The following DLC1 variants were observed in gnomAD, a reference collection of about 807,000 sequenced individuals.
DLC1 encodes the protein rho GTPase-activating protein 7.
In DLC1, 54 loss-of-function variants were observed where a neutral mutation model predicts 140.3. That is an observed-to-expected ratio of 0.38 (90% CI 0.31 to 0.48). The LOEUF is 0.48. Ranked by LOEUF, DLC1 falls within the 20% of genes least tolerant of loss-of-function variation. The probability of loss-of-function intolerance (pLI) is 0.96; values close to 1 mark genes in which losing one functional copy is unlikely to be tolerated. For synonymous variants in DLC1, 986 were observed against 728.1 expected, an observed-to-expected ratio of 1.35 and a Z score of -5.70; for missense variants, 2,536 against 1,907.0, an observed-to-expected ratio of 1.33 and a Z score of -6.14.
At chr8:13,161,912 G>A (rs374913568) in intron 5 of DLC1, among the ~76,000 whole-genome samples, 1 of 152,270 alleles carries the variant, frequency 6.6e-6, no homozygotes, top group Non-Finnish European at 1.5e-5. Context: ...ACTCAGATAT[G>A]TACACATTTT....
intron 4 of DLC1, among the ~76,000 whole-genome samples, chr8:13,366,082 G>T (rs748569531): frequency 6.6e-6 from 1 of 152,182 alleles, no homozygotes; most frequent in South Asian, 2.1e-4. Flanking sequence ...AGCTCAACAA[G>T]TGCTGCATAA....
chr8:13,150,529 C>A (rs1823728430), intron 5 of DLC1, among the ~76,000 whole-genome samples: 1 of 152,200 alleles, frequency 6.6e-6, no homozygotes, highest in African/African-American at 2.4e-5. Flanking sequence ...TTGTGAGACA[C>A]ATGACTGGCA....
chr8:13,282,085 G>C (rs1831384074), intron 5 of DLC1, among the ~76,000 whole-genome samples: 1 of 152,174 alleles, frequency 6.6e-6, no homozygotes, highest in Non-Finnish European at 1.5e-5. Context: ...TCCTGTTAGA[G>C]TGGACAGAAA....
intron 5 of DLC1, among the ~76,000 whole-genome samples, chr8:13,125,595 G>C (rs1339945104): frequency 6.6e-6 from 1 of 152,034 alleles, no homozygotes; most frequent in Non-Finnish European, 1.5e-5. Flanking sequence ...TTGCTGAAGG[G>C]GCTAAAGCTA....
chr8:13,508,998 T>C (rs1435384235), intron 1 of DLC1, among the ~76,000 whole-genome samples: 1 of 152,188 alleles, frequency 6.6e-6, no homozygotes, highest in African/African-American at 2.4e-5. Flanking sequence ...TAACAGGAAA[T>C]AGCCTAGGGT....
At chr8:13,540,693 A>G (rs532078951) in intron 1 of DLC1, among the ~76,000 whole-genome samples, 24 of 152,316 alleles carry the variant, frequency 1.6e-4, no homozygotes, top group African/African-American at 5.8e-4. Context: ...ATTATTTCTG[A>G]GATTAGTAAT....
chr8:13,277,824 G>T (rs893620075), intron 5 of DLC1, among the ~76,000 whole-genome samples: 5 of 152,096 alleles, frequency 3.3e-5, no homozygotes, highest in African/African-American at 1.2e-4. Context: ...AAAACACTTT[G>T]TAAATTTCAA....
chr8:13,169,040 C>T (rs1341861539), intron 5 of DLC1, among the ~76,000 whole-genome samples: 1 of 152,194 alleles, frequency 6.6e-6, no homozygotes, highest in Non-Finnish European at 1.5e-5. Flanking sequence ...GTTTATTATT[C>T]AGCCATAAAT....
chr8:13,491,000 C>T (rs2410061), intron 2 of DLC1, among the ~76,000 whole-genome samples: 109,988 of 146,502 alleles, frequency 0.75, 42,654 homozygotes, highest in Middle Eastern at 0.88. Flanking sequence ...CACACACACA[C>T]ATATATATAT....
At chr8:13,267,509 C>T (rs1830735978) in intron 5 of DLC1, among the ~76,000 whole-genome samples, 1 of 152,044 alleles carries the variant, frequency 6.6e-6, no homozygotes, top group Admixed American at 6.5e-5. Flanking sequence ...ACACTGAATG[C>T]TGAGTCAGTA....
chr8:13,180,893 C>A (rs1052458595), intron 5 of DLC1, among the ~76,000 whole-genome samples: 6 of 152,026 alleles, frequency 3.9e-5, no homozygotes, highest in African/African-American at 1.4e-4. Context: ...ATATGAGAAT[C>A]AATTTTTAAT....
At chr8:13,106,756 G>C (rs1819599554) in intron 7 of DLC1, among the ~76,000 whole-genome samples, 1 of 152,220 alleles carries the variant, frequency 6.6e-6, no homozygotes, top group Non-Finnish European at 1.5e-5. Flanking sequence ...AATACTGCAG[G>C]TGACAGTGTG....
At chr8:13,125,523 C>A (rs57050661) in intron 5 of DLC1, among the ~76,000 whole-genome samples, 11,006 of 152,170 alleles carry the variant, frequency 0.072, 586 homozygotes, top group African/African-American at 0.16. Context: ...GCTGAAATAC[C>A]TCTTGAAGCT....
intron 5 of DLC1, among the ~76,000 whole-genome samples, chr8:13,163,686 T>C (rs6651392): frequency 0.66 from 99,466 of 151,400 alleles, 33,664 homozygotes; most frequent in East Asian, 0.85. Flanking sequence ...AGGAGCTAGC[T>C]AGATCAAGAT....
intron 4 of DLC1, among the ~76,000 whole-genome samples, chr8:13,361,773 C>A (rs1212704196): frequency 1.3e-5 from 2 of 152,166 alleles, no homozygotes; most frequent in African/African-American, 2.4e-5. Flanking sequence ...TAGAATCAAG[C>A]TTCTTGCTCA....
chr8:13,406,478 T>C (rs1180173492), intron 2 of DLC1, among the ~76,000 whole-genome samples: 1 of 152,238 alleles, frequency 6.6e-6, no homozygotes, highest in Non-Finnish European at 1.5e-5. Context: ...CTCTAACTTC[T>C]CAGCTTGTCC....
intron 5 of DLC1, among the ~76,000 whole-genome samples, chr8:13,296,675 A>G (rs938108234): frequency 2.0e-5 from 3 of 152,092 alleles, no homozygotes; most frequent in Non-Finnish European, 4.4e-5. Context: ...GCAAGATATC[A>G]CATGGCATGC....
In DLC1 at chr8:13,085,693, A is replaced by G; in HGVS notation, c.*118T>C. The G allele has an allele frequency of 2.0e-6, 3 of 1,473,766 alleles. No homozygotes were observed. In the South Asian group the frequency reaches 4.1e-5, roughly 20 times the overall value. 91.3% of individuals were successfully genotyped at this position (1,473,766 alleles called of 1,614,324 possible). On this transcript the variant is annotated 3_prime_UTR_variant, in exon 18 of 18. Coordinates refer to ENST00000276297, the MANE Select transcript of DLC1 (RefSeq NM_182643.3). ...TCAAATTGCTATAGTCAATTCCTAC[A>G]CTCCAGCTTGTAGTTTTCTTTGTTT...
At chr8:13,567,483 T>C in intron 1 of DLC1, 3 of 1,552,122 alleles carry the variant, frequency 1.9e-6, no homozygotes, top group Non-Finnish European at 2.6e-6. Flanking sequence ...GAGATGCCTT[T>C]AGTTGTACTG....
Sources: allele counts gnomAD v4.1 joint callset (sites outside exome capture counted in the v4.1 genomes callset), GRCh38; gene constraint gnomAD v4.1.1; transcripts MANE v1.5; gene names NCBI Gene and HGNC (gene_info 2026-07-23, HGNC 2026-07-21).